Variants in OTUD4 observed in about 807,000 individuals in gnomAD.
OTUD4 encodes OTU deubiquitinase 4.
A neutral mutation model predicts 130.4 loss-of-function variants in OTUD4; 24 were observed. The observed-to-expected ratio is 0.18, with a 90% CI of 0.13 to 0.26. OTUD4 has a LOEUF of 0.26. Ranked by LOEUF, OTUD4 falls within the 10% of genes least tolerant of loss-of-function variation. OTUD4 has a pLI of 1.00. For synonymous variants in OTUD4, 420 were observed against 472.5 expected (o/e 0.89, Z 1.44); for missense variants, 1,031 against 1,329.4 (o/e 0.78, Z 3.49).
chr4:145,134,866 A>G lies in OTUD4; in HGVS notation c.*2564T>C, dbSNP rs1750161442. 4 of 398,954 alleles carry G rather than the reference A, an allele frequency of 1.0e-5. No homozygotes were observed. Among genetic ancestry groups the G allele is most frequent in the Non-Finnish European group, 1.8e-5 (4 of 225,982 alleles). 24.7% of individuals were successfully genotyped at this position (398,954 alleles called of 1,614,324 possible). Reference sequence around the variant, plus strand: ...AGCTTTGGTCAGTCTGTTCTTCAAAATATGTATGATCATAATATGGTGAAG... The same window carrying G: ...AGCTTTGGTCAGTCTGTTCTTCAAAGTATGTATGATCATAATATGGTGAAG... On this transcript the variant is annotated 3_prime_UTR_variant, in exon 21 of 21. Transcript: ENST00000447906.
chr4:145,168,643 C>G (rs1198650092), intron 3 of OTUD4, among the ~76,000 whole-genome samples: 1 of 152,048 alleles, frequency 6.6e-6, no homozygotes, highest in African/African-American at 2.4e-5. Context: ...TAGAGAAATT[C>G]AAGTTAAATC....
At position 145,155,398 on chromosome 4, in the gene OTUD4, A is replaced by C. The variant is rs375208450; in HGVS notation, c.873+13T>G. The C allele has an allele frequency of 1.9e-6, 3 of 1,601,492 alleles. No individual in the cohort carries two copies. Among genetic ancestry groups the C allele is most frequent in the Non-Finnish European group, 2.6e-6 (3 of 1,172,976 alleles). ...CAAGTAAAATCTCTTCTTCTTTTAC[A>C]TAAGTCACTTACTTGACATTTGTCT... On this transcript the variant is annotated intron_variant, in intron 10 of 20. Coordinates refer to ENST00000447906, the MANE Select transcript of OTUD4 (RefSeq NM_001366057.1).
At position 145,135,851 on chromosome 4, in the gene OTUD4, A is replaced by C. The variant is rs1560972755; in HGVS notation, c.*1579T>G. On this transcript the variant is annotated 3_prime_UTR_variant, in exon 21 of 21. Coordinates refer to ENST00000447906, the MANE Select transcript of OTUD4 (RefSeq NM_001366057.1). Reference sequence around the variant, plus strand: ...AGGTAAATAACCATTATTACAGTACAGTGGCGATTCACTAGCCCAACTGGC... The same window carrying C: ...AGGTAAATAACCATTATTACAGTACCGTGGCGATTCACTAGCCCAACTGGC... 1 of 152,648 alleles carries C rather than the reference A, an allele frequency of 6.6e-6. No homozygotes were observed. Among genetic ancestry groups the C allele is most frequent in the Admixed American group, 6.5e-5 (1 of 15,272 alleles). The allele number at this position is 152,648 out of a possible 1,614,324, so 9.5% of individuals were successfully genotyped here.
chr4:145,160,775 T>C lies in OTUD4; in HGVS notation c.497-1140A>G, dbSNP rs182852421. On this transcript the variant is annotated intron_variant, in intron 6 of 20. Coordinates refer to ENST00000447906, the MANE Select transcript of OTUD4 (RefSeq NM_001366057.1). ...TTGCAGTGAACTGAGATCATGCCACTGCACTCCAGCCTGGGTGACAGAGCG... is the reference window on the plus strand; with the variant it reads ...TTGCAGTGAACTGAGATCATGCCACCGCACTCCAGCCTGGGTGACAGAGCG... 1.8e-3 allele frequency among the ~76,000 whole-genome samples: 270 copies of C among 152,276 alleles called. 1 individual carries two copies. Among genetic ancestry groups the C allele is most frequent in the Non-Finnish European group, 2.9e-3 (196 of 68,018 alleles).
Position 145,137,813 on chromosome 4 carries a change from G to T in OTUD4, c.2962C>A (p.Leu988Met). The T allele has an allele frequency of 1.2e-6, 2 of 1,613,972 alleles. No homozygotes were observed. Among genetic ancestry groups the T allele is most frequent in the Non-Finnish European group, 1.7e-6 (2 of 1,180,012 alleles). Residue 988 changes from leucine to methionine, a missense_variant, in exon 21 of 21, where the codon CTG becomes ATG. This residue lies in a region of OTUD4 where 900 missense variants were observed against 1,095.9 expected (regional missense o/e 0.82). Coordinates refer to ENST00000447906, the MANE Select transcript of OTUD4 (RefSeq NM_001366057.1). The stretch of plus-strand genomic sequence containing the variant: ...TTTACTTTTTCTGTTTTTTCTTTCA[G>T]GCTTTGAATGGTCCTTTTAGGTTCA... ...ELEPKRTIQS[L>M]KEKTEKVKDP...
chr4:145,167,002 T>C (rs1751911146), intron 3 of OTUD4, among the ~76,000 whole-genome samples: 1 of 152,150 alleles, frequency 6.6e-6, no homozygotes, highest in South Asian at 2.1e-4. Flanking sequence ...AAAAGGCATA[T>C]ATATTGGTAC....
intron 6 of OTUD4, among the ~76,000 whole-genome samples, chr4:145,161,736 CA>C (rs1384383339): frequency 6.6e-6 from 1 of 152,182 alleles, no homozygotes; most frequent in African/African-American, 2.4e-5. Context: ...GAGCCTACAA[CA>C]GAGGAGTATC....
intron 13 of OTUD4, among the ~76,000 whole-genome samples, chr4:145,148,475 G>A (rs1404583491): frequency 6.6e-6 from 1 of 151,498 alleles, no homozygotes; most frequent in African/African-American, 2.4e-5. Context: ...CTCCAGCCTG[G>A]GCAACAAGAG....
At chr4:145,159,084 C>G (rs1352887486) in intron 7 of OTUD4, 1 of 966,796 alleles carries the variant, frequency 1.0e-6, no homozygotes, top group Non-Finnish European at 1.2e-6. Flanking sequence ...CAACTTGGAA[C>G]TTTCATTATC....
intron 9 of OTUD4, 32 bp from the exon 10 acceptor site, chr4:145,155,507 A>T: frequency 6.2e-7 from 1 of 1,602,040 alleles, no homozygotes; most frequent in East Asian, 2.2e-5. Context: ...GTATAATATA[A>T]AGTTGACTTA....
At chr4:145,179,566 C>A in intron 1 of OTUD4, 1 of 1,320,880 alleles carries the variant, frequency 7.6e-7, no homozygotes, top group Non-Finnish European at 9.7e-7. Context: ...ACAAGTTGTC[C>A]TCAACTCATT....
At position 145,138,067 on chromosome 4, in the gene OTUD4, C is replaced by T. The variant is rs756799320; in HGVS notation, c.2708G>A (p.Cys903Tyr). 3 of 1,614,150 alleles carry T rather than the reference C, an allele frequency of 1.9e-6. No individual in the cohort carries two copies. Among genetic ancestry groups the T allele is most frequent in the South Asian group, 1.1e-5 (1 of 91,086 alleles). Residue 903 changes from cysteine (C) to tyrosine (Y), a missense_variant, in exon 21 of 21, where the codon TGT becomes TAT. Physicochemically the swap from Cys to Tyr is radical, Grantham distance 194. Around this residue, in one of 3 missense-constraint regions of OTUD4, gnomAD observed 900 missense variants for 1,095.9 expected, o/e 0.82. Coordinates refer to ENST00000447906, the MANE Select transcript of OTUD4 (RefSeq NM_001366057.1). ...SLENLDLSKD[C>Y]GSVSTVDEFP... is the part of the protein sequence containing the mutation. ...CTCATCTACTGTTGAAACTGAACCA[C>T]AATCTTTAGACAGATCCAGATTTTC...
At chr4:145,175,358 T>C (rs1168711979) in intron 1 of OTUD4, among the ~76,000 whole-genome samples, 1 of 152,192 alleles carries the variant, frequency 6.6e-6, no homozygotes, top group Non-Finnish European at 1.5e-5. Context: ...TTGTGTGGTA[T>C]CATCCCAAGA....
intron 10 of OTUD4, among the ~76,000 whole-genome samples, chr4:145,154,138 A>T (rs1360728696): frequency 2.6e-5 from 4 of 152,242 alleles, no homozygotes; most frequent in Non-Finnish European, 5.9e-5. Context: ...AGCATAAGCC[A>T]TCTTCTCTTT....
rs1373098734 is a variant in OTUD4, at chr4:145,138,684, G to A, written c.2125-34C>T. 14 of 1,555,250 alleles carry A rather than the reference G, an allele frequency of 9.0e-6. No individual in the cohort carries two copies. The Admixed American group carries it at 1.2e-4, about 14-fold the overall frequency. On this transcript the variant is annotated intron_variant, in intron 20 of 20. Coordinates refer to ENST00000447906, the MANE Select transcript of OTUD4 (RefSeq NM_001366057.1). ...ACAAAAAACAGTTAAATAAACAAAA[G>A]AGGAGAAAAAAGAGAGGTTTGGGTG... is the stretch of plus-strand genomic sequence containing the variant.
chr4:145,171,320 CAAA>C (rs111725395), intron 3 of OTUD4: 52 of 137,114 alleles, frequency 3.8e-4, no homozygotes, highest in Non-Finnish European at 6.4e-4. Flanking sequence ...AATTCCACCT[CAAA>C]AAAAAAAAAA....
At chr4:145,179,285 T>C (rs1413280292) in intron 1 of OTUD4, among the ~76,000 whole-genome samples, 1 of 152,188 alleles carries the variant, frequency 6.6e-6, no homozygotes, top group African/African-American at 2.4e-5. Flanking sequence ...TGTAAAAGGC[T>C]GGTTTTCTCA....
chr4:145,150,563 T>C lies in OTUD4; in HGVS notation c.1209A>G (p.Lys403=), dbSNP rs1434546208. 1.9e-6 allele frequency: 3 copies of C among 1,612,268 alleles called. No homozygotes were observed. The highest frequency in any genetic ancestry group is 2.5e-6 in the Non-Finnish European group (3 of 1,178,446). The change falls in exon 13 of 21, where the codon AAA becomes AAG. Residue 403 remains lysine (K), a synonymous_variant. Coordinates refer to ENST00000447906, the MANE Select transcript of OTUD4 (RefSeq NM_001366057.1). ...TAAGATTTTTGTGCTCACTGGAGAA[T>C]TTCTGAGACTGTGACCCTGAAGAAT... ...SSHSSGSQSQ[K]FSSEHKNLSR... is the part of the protein sequence containing the mutation.
At chr4:145,167,856 C>T (rs1751953154) in intron 3 of OTUD4, among the ~76,000 whole-genome samples, 1 of 151,904 alleles carries the variant, frequency 6.6e-6, no homozygotes, top group African/African-American at 2.4e-5. Context: ...GAAACTCCAT[C>T]TCTAAAAAAA....
Sources: gnomAD v4.1 joint callset for allele counts (sites outside exome capture counted in the v4.1 genomes callset) on GRCh38, gnomAD v4.1.1 for gene constraint, gnomAD v4.1.1 regional missense constraint, MANE v1.5 for transcripts, NCBI Gene and HGNC (gene_info 2026-07-23, HGNC 2026-07-21) for gene names.